PLD5: variants seen among roughly 807,000 people sequenced by gnomAD.
The protein encoded by PLD5 is inactive phospholipase D5.
In PLD5, 36 loss-of-function variants were observed where a neutral mutation model predicts 61.1. That is an observed-to-expected ratio of 0.59 (90% CI 0.45 to 0.78). PLD5 has a LOEUF of 0.78. PLD5 is among the 30% of genes least tolerant of loss of function. The pLI, the probability that PLD5 is intolerant of heterozygous loss-of-function variation, is 0.00. For synonymous variants in PLD5, 243 were observed against 242.8 expected (o/e 1.00, Z -0.01); for missense variants, 515 against 644.4 (o/e 0.80, Z 2.17).
chr1:242,163,299 A>G (rs543186725), intron 5 of PLD5, among the ~76,000 whole-genome samples: 16 of 151,674 alleles, frequency 1.1e-4, no homozygotes, highest in South Asian at 2.1e-4. Flanking sequence ...GCCCGCCACC[A>G]CGCCCGGCTA....
intron 5 of PLD5, among the ~76,000 whole-genome samples, chr1:242,194,168 G>A (rs1047186783): frequency 4.6e-5 from 7 of 152,024 alleles, no homozygotes; most frequent in African/African-American, 1.7e-4. Flanking sequence ...GGTTGCCCTG[G>A]GAATGCCTCG....
At chr1:242,368,595 A>AT in intron 1 of PLD5, among the ~76,000 whole-genome samples, 1 of 152,300 alleles carries the variant, frequency 6.6e-6, no homozygotes, top group South Asian at 2.1e-4. Context: ...TGGCATCTGC[A>AT]TAGGGCATGA....
At chr1:242,422,666 C>T (rs1665209145) in intron 1 of PLD5, among the ~76,000 whole-genome samples, 1 of 152,106 alleles carries the variant, frequency 6.6e-6, no homozygotes, top group Non-Finnish European at 1.5e-5. Context: ...CTGGCGTCCA[C>T]AAAACGGGAC....
rs1001807586 is a variant in PLD5 at position 242,252,155 on chromosome 1, A to T, written c.607+13182T>A. Among the ~76,000 whole-genome samples, 4 of 152,354 alleles carry T rather than the reference A, an allele frequency of 2.6e-5. No individual in the cohort carries two copies. In the South Asian group the frequency reaches 8.3e-4, roughly 32 times the overall value. On this transcript the variant is annotated intron_variant, in intron 4 of 9. Transcript: ENST00000536534. ...GGATGGAAGGAAATGAGCTAAAAAAATAGATAAAATATAGTATGGGAAGAA... is the reference window on the plus strand; with the variant it reads ...GGATGGAAGGAAATGAGCTAAAAAATTAGATAAAATATAGTATGGGAAGAA...
At chr1:242,165,271 T>TGAGA (rs1389854894) in intron 5 of PLD5, among the ~76,000 whole-genome samples, 5 of 152,186 alleles carry the variant, frequency 3.3e-5, no homozygotes, top group Non-Finnish European at 7.3e-5. Context: ...TTTACCATCT[T>TGAGA]GAGATTTCAA....
At chr1:242,479,985 A>G (rs111760471) in intron 1 of PLD5, among the ~76,000 whole-genome samples, 6,475 of 152,044 alleles carry the variant, frequency 0.043, 214 homozygotes, top group Middle Eastern at 0.088. Flanking sequence ...TGGAAGGCAC[A>G]GATTGCAGTA....
intron 5 of PLD5, among the ~76,000 whole-genome samples, chr1:242,167,995 C>T (rs185617834): frequency 9.2e-5 from 14 of 152,282 alleles, no homozygotes; most frequent in Middle Eastern, 6.8e-3. Flanking sequence ...TTTCAAAATG[C>T]ACATGCTGAG....
chr1:242,163,171 TCTCA>T (rs1352252048), intron 5 of PLD5, among the ~76,000 whole-genome samples: 5 of 138,166 alleles, frequency 3.6e-5, no homozygotes, highest in African/African-American at 1.1e-4. Context: ...GACGACGGAG[TCTCA>T]CTCTGTCACC....
At chr1:242,283,195 A>C (rs1220038982) in intron 3 of PLD5, among the ~76,000 whole-genome samples, 3 of 152,226 alleles carry the variant, frequency 2.0e-5, no homozygotes, top group Admixed American at 6.5e-5. Flanking sequence ...CTCTTACAAA[A>C]TTGCTACTCT....
intron 3 of PLD5, among the ~76,000 whole-genome samples, chr1:242,272,887 T>C (rs1674183269): frequency 6.6e-6 from 1 of 152,170 alleles, no homozygotes; most frequent in Non-Finnish European, 1.5e-5. Flanking sequence ...CCAGAAATGG[T>C]ATGCACAAGA....
chr1:242,421,626 C>T (rs994493297), intron 1 of PLD5, among the ~76,000 whole-genome samples: 2 of 152,160 alleles, frequency 1.3e-5, no homozygotes, highest in Middle Eastern at 3.2e-3. Flanking sequence ...CCTATATCAA[C>T]GAAAGTTGGG....
At chr1:242,145,261 T>A (rs934997011) in intron 5 of PLD5, among the ~76,000 whole-genome samples, 2 of 152,156 alleles carry the variant, frequency 1.3e-5, no homozygotes, top group African/African-American at 4.8e-5. Context: ...TTGAGAACCA[T>A]CTCACAGAAA....
At position 242,345,707 on chromosome 1, in the gene PLD5, C is replaced by T. The variant is rs549716610; in HGVS notation, c.326+2399G>A. 3.5e-5 allele frequency: 25 copies of T among 716,024 alleles called. No homozygotes were observed. In the African/African-American group the frequency reaches 4.4e-4, roughly 13 times the overall value. 44.4% of individuals were successfully genotyped at this position (716,024 alleles called of 1,614,324 possible). On this transcript the variant is annotated intron_variant, in intron 2 of 9. Coordinates refer to ENST00000536534, the MANE Select transcript of PLD5 (RefSeq NM_001372062.1). ...TCCTCAGACCCTATCAGGAGAAGAGCTTGTGGAAGATCAAATCAAATTCAA... is the reference window on the plus strand; with the variant it reads ...TCCTCAGACCCTATCAGGAGAAGAGTTTGTGGAAGATCAAATCAAATTCAA...
Position 242,486,759 on chromosome 1 carries a change from C to T in PLD5, c.189+37329G>A, listed in dbSNP as rs536396912. ...TCATGCTGCTATAAAGACACATGCA[C>T]ACGTATGTTTATTGTGGCACTATTC... On this transcript the variant is annotated intron_variant, in intron 1 of 9. Coordinates refer to ENST00000536534, the MANE Select transcript of PLD5 (RefSeq NM_001372062.1). 7.2e-5 allele frequency among the ~76,000 whole-genome samples: 11 copies of T among 152,248 alleles called. No individual in the cohort carries two copies. The East Asian group carries it at 2.1e-3, about 29-fold the overall frequency.
Position 242,288,362 on chromosome 1 carries a change from C to G in PLD5, c.495G>C (p.Gln165His), listed in dbSNP as rs1675151861. Reference protein sequence around the residue: ...DLNHTHPSACQGQRLFEKLLQ... With the variant: ...DLNHTHPSACHGQRLFEKLLQ... ...CACACACACAGAGGATGTAGCTTAC[C>G]TGACATGCTGATGGATGAGTGTGGT... Residue 165 changes from glutamine (Q) to histidine (H), a missense_variant and splice_region_variant, in exon 3 of 10, where the codon CAG becomes CAC. Physicochemically the swap from Gln to His is conservative, Grantham distance 24. This residue lies in a region of PLD5 where 450 missense variants were observed against 598.1 expected (regional missense o/e 0.75). Transcript: ENST00000536534. 6.2e-7 allele frequency: 1 copy of G among 1,612,156 alleles called. No homozygotes were observed. The highest frequency in any genetic ancestry group is 2.2e-5 in the East Asian group (1 of 44,876).
chr1:242,248,869 C>A (rs1410921371), intron 4 of PLD5, among the ~76,000 whole-genome samples: 1 of 152,126 alleles, frequency 6.6e-6, no homozygotes, highest in African/African-American at 2.4e-5. Context: ...AATGGCCAGC[C>A]GGGCTTGGTG....
chr1:242,161,022 T>A (rs559530776), intron 5 of PLD5, among the ~76,000 whole-genome samples: 1 of 152,020 alleles, frequency 6.6e-6, no homozygotes, highest in Non-Finnish European at 1.5e-5. Flanking sequence ...TATCTTTTTT[T>A]ATCAGTATTT....
At chr1:242,355,283 G>T (rs1660696152) in intron 1 of PLD5, among the ~76,000 whole-genome samples, 1 of 152,060 alleles carries the variant, frequency 6.6e-6, no homozygotes, top group Admixed American at 6.6e-5. Context: ...TTTCATTACT[G>T]GTTCAATCTC....
intron 2 of PLD5, among the ~76,000 whole-genome samples, chr1:242,318,802 A>G (rs933033558): frequency 3.3e-5 from 5 of 151,974 alleles, no homozygotes; most frequent in Non-Finnish European, 7.4e-5. Context: ...TAACTTTTTT[A>G]AATTGTGGGA....
Sources: gnomAD v4.1 joint callset for allele counts (sites outside exome capture counted in the v4.1 genomes callset) on GRCh38, gnomAD v4.1.1 for gene constraint, gnomAD v4.1.1 regional missense constraint, MANE v1.5 for transcripts, NCBI Gene and HGNC (gene_info 2026-07-23, HGNC 2026-07-21) for gene names.